Variants in GRAMD4 observed in about 807,000 individuals in gnomAD.
GRAMD4 encodes GRAM domain containing 4, also known as GRAM domain-containing protein 4.
GRAMD4 carries 25 observed loss-of-function variants against 83.9 expected under a neutral mutation model. That is an observed-to-expected ratio of 0.30 (90% CI 0.22 to 0.42). GRAMD4 has a LOEUF of 0.42. GRAMD4 is among the 10% of genes least tolerant of loss of function. GRAMD4 has a pLI of 1.00. For synonymous variants in GRAMD4, 336 were observed against 320.9 expected (o/e 1.05, Z -0.50); for missense variants, 593 against 788.7 (o/e 0.75, Z 2.97).
chr22:46,621,104 G>A lies in GRAMD4; in HGVS notation c.-50+539G>A, dbSNP rs190970146. On this transcript the variant is annotated intron_variant, in intron 1 of 18. Transcript: ENST00000406902. This position sits in a 1 kb window ranked among gnomAD's most constrained non-coding sequence, Gnocchi z 5.8. Reference sequence around the variant, plus strand: ...AGGGGGTGGGGATGGGCAGCTAGAAGTGGGGAGGGCAGGGGCCGTCTGGTT... The same window carrying A: ...AGGGGGTGGGGATGGGCAGCTAGAAATGGGGAGGGCAGGGGCCGTCTGGTT... Among the ~76,000 whole-genome samples the A allele has an allele frequency of 5.3e-5, 8 of 152,110 alleles. No individual in the cohort carries two copies. In the East Asian group the frequency reaches 1.6e-3, roughly 30 times the overall value.
At chr22:46,643,185 A>C (rs1350443036) in intron 3 of GRAMD4, among the ~76,000 whole-genome samples, 3 of 125,780 alleles carry the variant, frequency 2.4e-5, no homozygotes, top group Non-Finnish European at 3.5e-5. Context: ...CCATCCATCC[A>C]TCCATCCATC....
chr22:46,584,859 C>G (rs1194785759), intron 1 of GRAMD4, among the ~76,000 whole-genome samples: 2 of 152,230 alleles, frequency 1.3e-5, no homozygotes, highest in East Asian at 3.9e-4. Flanking sequence ...TAGAACGCAT[C>G]CCAGAGTCCG....
At chr22:46,597,602 G>A (rs556908592) in intron 1 of GRAMD4, among the ~76,000 whole-genome samples, 77 of 152,144 alleles carry the variant, frequency 5.1e-4, no homozygotes, top group African/African-American at 1.7e-3. Flanking sequence ...CCATTCTCCC[G>A]CCTCAGCCTC....
chr22:46,611,329 G>A (rs1349074941), intron 1 of GRAMD4, among the ~76,000 whole-genome samples: 1 of 152,260 alleles, frequency 6.6e-6, no homozygotes, highest in African/African-American at 2.4e-5. Context: ...TGTGATGGAT[G>A]GATTAATAGA....
intron 15 of GRAMD4, among the ~76,000 whole-genome samples, chr22:46,674,295 G>A (rs1007070590): frequency 2.0e-5 from 3 of 152,188 alleles, no homozygotes; most frequent in African/African-American, 4.8e-5. Flanking sequence ...TGCGGAGAAC[G>A]GAGCTTCGTC....
chr22:46,576,879 G>A (rs944229962), upstream of GRAMD4, among the ~76,000 whole-genome samples: 2 of 107,594 alleles, frequency 1.9e-5, no homozygotes, highest in Non-Finnish European at 3.8e-5. Context: ...GCGTGGGTGC[G>A]AGCGGCGGGG....
intron 10 of GRAMD4, among the ~76,000 whole-genome samples, chr22:46,667,562 T>C (rs1360026381): frequency 3.9e-5 from 6 of 152,180 alleles, no homozygotes; most frequent in African/African-American, 1.4e-4. Flanking sequence ...CCCCGGCCCA[T>C]GGGGCAGGAC....
At chr22:46,577,607 C>T (rs1358437501) in intron 1 of GRAMD4, among the ~76,000 whole-genome samples, 1 of 151,460 alleles carries the variant, frequency 6.6e-6, no homozygotes, top group Non-Finnish European at 1.5e-5. Flanking sequence ...GTCGCCGGAC[C>T]GGGGGTCACC....
intron 14 of GRAMD4, 44 bp from the exon 15 acceptor site, chr22:46,673,626 G>A (rs2082547635): frequency 1.3e-6 from 2 of 1,594,258 alleles, no homozygotes; most frequent in South Asian, 1.1e-5. Context: ...GGTGCTGCAG[G>A]CGTGGGCAGC....
At chr22:46,578,426 C>T (rs2081066099) in intron 1 of GRAMD4, among the ~76,000 whole-genome samples, 1 of 152,122 alleles carries the variant, frequency 6.6e-6, no homozygotes, top group South Asian at 2.1e-4. Flanking sequence ...GCCTCCTGGG[C>T]CTCAGTTTCC....
intron 5 of GRAMD4, among the ~76,000 whole-genome samples, chr22:46,662,414 G>C (rs1241106392): frequency 1.3e-5 from 2 of 152,244 alleles, no homozygotes; most frequent in Non-Finnish European, 2.9e-5. Flanking sequence ...TTGCACCCCT[G>C]AGCCCCCCTT....
At chr22:46,613,638 C>G (rs1168880439) in intron 1 of GRAMD4, among the ~76,000 whole-genome samples, 2 of 152,188 alleles carry the variant, frequency 1.3e-5, no homozygotes, top group African/African-American at 4.8e-5. Flanking sequence ...TGGGCAGCAT[C>G]CTGGAGGCCA....
At chr22:46,648,683 GATTGATGGATGGATGC>G (rs2082108474) in intron 3 of GRAMD4, among the ~76,000 whole-genome samples, 5 of 150,494 alleles carry the variant, frequency 3.3e-5, no homozygotes, top group African/African-American at 7.5e-5. Context: ...GTGGGTAAAT[GATTGATGGATGGATGC>G]ATGGATGGAT....
At chr22:46,581,049 G>A (rs2081093635) in intron 1 of GRAMD4, among the ~76,000 whole-genome samples, 1 of 152,108 alleles carries the variant, frequency 6.6e-6, no homozygotes, top group Non-Finnish European at 1.5e-5. Context: ...TTTGCCTTTG[G>A]TATCTCGGCA....
chr22:46,590,383 C>G (rs941934460), intron 1 of GRAMD4, among the ~76,000 whole-genome samples: 3 of 152,196 alleles, frequency 2.0e-5, no homozygotes, highest in Admixed American at 1.3e-4. Flanking sequence ...TCCAGCCAGT[C>G]CTTGGCAGAG....
chr22:46,623,116 T>C (rs1555960499), intron 1 of GRAMD4, among the ~76,000 whole-genome samples: 1 of 152,100 alleles, frequency 6.6e-6, no homozygotes, highest in Non-Finnish European at 1.5e-5. Context: ...CTGTTTGCCA[T>C]AACGACAGTC....
intron 15 of GRAMD4, among the ~76,000 whole-genome samples, chr22:46,674,173 C>G (rs1242576800): frequency 1.3e-5 from 2 of 152,236 alleles, no homozygotes; most frequent in Non-Finnish European, 2.9e-5. Flanking sequence ...ACAAGAGCCA[C>G]CAGGGGACAG....
intron 3 of GRAMD4, among the ~76,000 whole-genome samples, chr22:46,646,213 G>A (rs1046224024): frequency 2.6e-5 from 4 of 152,344 alleles, no homozygotes; most frequent in African/African-American, 9.6e-5. Context: ...GACACGGGTG[G>A]ATTCCCGGCA....
chr22:46,673,586 G>C, intron 14 of GRAMD4, 84 bp from the exon 15 acceptor site: 2 of 1,494,618 alleles, frequency 1.3e-6, no homozygotes, highest in Non-Finnish European at 1.8e-6. Context: ...CCCAGCTTTT[G>C]GGGAGGTGTG....
Sources: gnomAD v4.1 joint callset for allele counts (sites outside exome capture counted in the v4.1 genomes callset) on GRCh38, gnomAD v4.1.1 for gene constraint, Gnocchi (gnomAD v3.1) non-coding constraint, MANE v1.5 for transcripts, NCBI Gene and HGNC (gene_info 2026-07-23, HGNC 2026-07-21) for gene names.